Variants in ADAM12 observed in about 807,000 individuals in gnomAD.
ADAM12 encodes the protein disintegrin and metalloproteinase domain-containing protein 12.
ADAM12 carries 70 observed loss-of-function variants against 106.4 expected under a neutral mutation model. That is an observed-to-expected ratio of 0.66 (90% CI 0.54 to 0.80). The LOEUF is 0.80. ADAM12 is among the 30% of genes least tolerant of loss of function. The pLI, the probability that ADAM12 is intolerant of heterozygous loss-of-function variation, is 0.00. For synonymous variants in ADAM12, 420 were observed against 433.5 expected, an observed-to-expected ratio of 0.97 and a Z score of 0.39; for missense variants, 1,010 against 1,171.9, an observed-to-expected ratio of 0.86 and a Z score of 2.02.
chr10:126,122,027 C>T (rs983790671), intron 5 of ADAM12, among the ~76,000 whole-genome samples: 1 of 152,106 alleles, frequency 6.6e-6, no homozygotes, highest in Admixed American at 6.5e-5. Flanking sequence ...AAGGCAGCAT[C>T]GAGATATCCG....
intron 2 of ADAM12, among the ~76,000 whole-genome samples, chr10:126,327,582 C>T (rs1854349440): frequency 6.6e-6 from 1 of 151,910 alleles, no homozygotes; most frequent in Non-Finnish European, 1.5e-5. Context: ...CAAAGGAGGC[C>T]TGTCTCCTAC....
At chr10:126,364,139 CT>C (rs374124944) in intron 1 of ADAM12, among the ~76,000 whole-genome samples, 655 of 151,044 alleles carry the variant, frequency 4.3e-3, no homozygotes, top group African/African-American at 5.6e-3. Context: ...GTATCCAATA[CT>C]TTTTTTTTTA....
At chr10:126,158,141 G>A (rs987890240) in intron 3 of ADAM12, among the ~76,000 whole-genome samples, 5 of 152,226 alleles carry the variant, frequency 3.3e-5, no homozygotes, top group African/African-American at 1.2e-4. Context: ...GGGCTGAGAG[G>A]GGACATGGGT....
chr10:126,256,456 C>A (rs888461459), intron 3 of ADAM12, among the ~76,000 whole-genome samples: 2 of 152,206 alleles, frequency 1.3e-5, no homozygotes, highest in African/African-American at 4.8e-5. Context: ...CCACAGTGAT[C>A]TCTGAGGTCC....
intron 21 of ADAM12, among the ~76,000 whole-genome samples, chr10:126,025,498 G>T (rs572765782): frequency 6.6e-6 from 1 of 152,296 alleles, no homozygotes; most frequent in South Asian, 2.1e-4. Flanking sequence ...AAAAAAGAAT[G>T]AAAAGGAATG....
rs11406158 is a variant in ADAM12, at chr10:126,049,711, ATTT to A, written c.1610-45_1610-43del. ...ACTGCATTTTCATCTCCTGCAGGTGATTTTTTTTTTTTCATGGCTGTAGGCCTC... is the reference window on the plus strand; with the variant it reads ...ACTGCATTTTCATCTCCTGCAGGTGATTTTTTTTTCATGGCTGTAGGCCTC... On this transcript the variant is annotated intron_variant, in intron 14 of 22. Transcript: ENST00000448723. The surrounding 1 kb of genome is among the most constrained non-coding windows in gnomAD (Gnocchi z 4.4). 14 of 1,321,164 alleles carry A rather than the reference ATTT, an allele frequency of 1.1e-5. No individual in the cohort carries two copies. The highest frequency in any genetic ancestry group is 2.7e-5 in the South Asian group (2 of 74,814). The allele number at this position is 1,321,164 out of a possible 1,614,324, so 81.8% of individuals were successfully genotyped here.
At chr10:126,301,314 TATTTA>T (rs1960613849) in intron 2 of ADAM12, among the ~76,000 whole-genome samples, 1 of 152,230 alleles carries the variant, frequency 6.6e-6, no homozygotes, top group Admixed American at 6.5e-5. Context: ...CTTGTTATTT[TATTTA>T]TATATGCAAA....
intron 18 of ADAM12, among the ~76,000 whole-genome samples, chr10:126,041,102 G>A (rs887254627): frequency 2.0e-5 from 3 of 152,028 alleles, no homozygotes; most frequent in Admixed American, 6.5e-5. Flanking sequence ...ACCCCCTGCC[G>A]CTCTGTGGGG....
intron 3 of ADAM12, among the ~76,000 whole-genome samples, chr10:126,249,702 G>GA (rs1175734187): frequency 6.6e-6 from 1 of 152,040 alleles, no homozygotes; most frequent in East Asian, 1.9e-4. Flanking sequence ...TCAAAAAAAA[G>GA]AAAAACAAAA....
intron 8 of ADAM12, among the ~76,000 whole-genome samples, chr10:126,108,047 G>A (rs190785241): frequency 6.6e-6 from 1 of 152,294 alleles, no homozygotes; most frequent in East Asian, 1.9e-4. Context: ...CTTTGTGAAA[G>A]GTGAGTTTCT....
At chr10:126,313,872 CAA>C (rs1043273762) in intron 2 of ADAM12, among the ~76,000 whole-genome samples, 10 of 151,982 alleles carry the variant, frequency 6.6e-5, no homozygotes, top group African/African-American at 2.4e-4. Context: ...GTGGAAGAAA[CAA>C]AGAATAATTA....
At chr10:126,157,075 ACCCAAGCTAAG>A in intron 3 of ADAM12, among the ~76,000 whole-genome samples, 1 of 152,078 alleles carries the variant, frequency 6.6e-6, no homozygotes, top group Non-Finnish European at 1.5e-5. Context: ...TGAACATGTG[ACCCAAGCTAAG>A]CCCATCACAA....
chr10:126,323,896 G>A (rs1854197894), intron 2 of ADAM12, among the ~76,000 whole-genome samples: 1 of 152,334 alleles, frequency 6.6e-6, no homozygotes, highest in South Asian at 2.1e-4. Context: ...ATTGGGTTGA[G>A]CATAGTCGAG....
chr10:126,123,803 A>T (rs1435736301), intron 5 of ADAM12, among the ~76,000 whole-genome samples: 1 of 152,188 alleles, frequency 6.6e-6, no homozygotes, highest in Non-Finnish European at 1.5e-5. Context: ...AAAAAAGCAG[A>T]ATTAAAAATG....
rs141408744 is a variant in ADAM12 at position 126,266,596 on chromosome 10, G to A, written c.260+12319C>T. The stretch of plus-strand genomic sequence containing the variant: ...TACCATATCCCTTATGTATTAGTCC[G>A]TTCTCGCACTGTTACAAAGAAATGC... On this transcript the variant is annotated intron_variant, in intron 3 of 22. Transcript: ENST00000448723. Among the ~76,000 whole-genome samples the A allele has an allele frequency of 4.2e-3, 635 of 152,260 alleles. 4 individuals are homozygous for A. Among genetic ancestry groups the A allele is most frequent in the African/African-American group, 0.014 (595 of 41,560 alleles).
At chr10:126,251,741 T>C (rs1380970838) in intron 3 of ADAM12, among the ~76,000 whole-genome samples, 26 of 143,480 alleles carry the variant, frequency 1.8e-4, no homozygotes, top group Admixed American at 2.8e-4. Flanking sequence ...ATGGATATGA[T>C]GGATAGATTG....
At chr10:126,340,544 T>C (rs1854886711) in intron 1 of ADAM12, among the ~76,000 whole-genome samples, 1 of 152,166 alleles carries the variant, frequency 6.6e-6, no homozygotes, top group African/African-American at 2.4e-5. Flanking sequence ...ATAATCCTAC[T>C]GTGTGATAAA....
At position 126,043,266 on chromosome 10, in the gene ADAM12, G is replaced by T; in HGVS notation, c.1996-118C>A. Reference sequence around the variant, plus strand: ...CCCAACACTGACACAGCCAGACTCAGCACACGCCATGGTGCGAATAAGCCC... The same window carrying T: ...CCCAACACTGACACAGCCAGACTCATCACACGCCATGGTGCGAATAAGCCC... On this transcript the variant is annotated intron_variant, in intron 17 of 22. Coordinates refer to ENST00000448723, the MANE Select transcript of ADAM12 (RefSeq NM_001288973.2). The surrounding 1 kb of genome is among the most constrained non-coding windows in gnomAD (Gnocchi z 4.1). 1 of 942,260 alleles carries T rather than the reference G, an allele frequency of 1.1e-6. No individual in the cohort carries two copies. The highest frequency in any genetic ancestry group is 1.6e-6 in the Non-Finnish European group (1 of 620,936). 58.4% of individuals were successfully genotyped at this position (942,260 alleles called of 1,614,324 possible).
chr10:126,073,391 A>G (rs1955037956), intron 11 of ADAM12, among the ~76,000 whole-genome samples: 1 of 151,736 alleles, frequency 6.6e-6, no homozygotes, highest in Non-Finnish European at 1.5e-5. Context: ...CCTGGCCCTT[A>G]ACTTTTTTTT....
Sources: gnomAD v4.1 joint callset for allele counts (sites outside exome capture counted in the v4.1 genomes callset) on GRCh38, gnomAD v4.1.1 for gene constraint, Gnocchi (gnomAD v3.1) non-coding constraint, MANE v1.5 for transcripts, NCBI Gene and HGNC (gene_info 2026-07-23, HGNC 2026-07-21) for gene names.